ADGRL3: variants seen among roughly 807,000 people sequenced by gnomAD.
ADGRL3 encodes the protein calcium-independent alpha-latrotoxin receptor 3.
In ADGRL3, 62 loss-of-function variants were observed where a neutral mutation model predicts 153.5. That is an observed-to-expected ratio of 0.40 (90% CI 0.33 to 0.50). The LOEUF (loss-of-function observed/expected upper bound fraction) is 0.50, where lower values mean the gene tolerates loss of function less well. ADGRL3 is among the 20% of genes least tolerant of loss of function. The pLI, the probability that ADGRL3 is intolerant of heterozygous loss-of-function variation, is 0.47. For synonymous variants in ADGRL3, 710 were observed against 672.5 expected (o/e 1.06, Z -0.86); for missense variants, 1,641 against 1,859.4 (o/e 0.88, Z 2.16).
At chr4:61,617,286 A>G (rs1421418265) in intron 5 of ADGRL3, among the ~76,000 whole-genome samples, 2 of 152,152 alleles carry the variant, frequency 1.3e-5, no homozygotes, top group Non-Finnish European at 2.9e-5. Flanking sequence ...ATTCCAATGT[A>G]TGTTATTCAA....
intron 1 of ADGRL3, among the ~76,000 whole-genome samples, chr4:61,310,188 A>G (rs2094944067): frequency 6.6e-6 from 1 of 151,852 alleles, no homozygotes. Flanking sequence ...CTCTTATAAA[A>G]ATAGGGACTT....
intron 1 of ADGRL3, among the ~76,000 whole-genome samples, chr4:61,271,798 T>C (rs1042863403): frequency 1.2e-4 from 19 of 152,012 alleles, no homozygotes; most frequent in African/African-American, 4.6e-4. Context: ...ATCTCTAGGC[T>C]TCTCTTAGAG....
intron 8 of ADGRL3, among the ~76,000 whole-genome samples, chr4:61,772,328 C>T (rs1580750301): frequency 6.6e-6 from 1 of 152,260 alleles, no homozygotes; most frequent in South Asian, 2.1e-4. Flanking sequence ...TCAGTGGCAG[C>T]CCCAGAGTTG....
chr4:61,997,763 T>C (rs1401507024), intron 20 of ADGRL3, among the ~76,000 whole-genome samples: 4 of 152,214 alleles, frequency 2.6e-5, no homozygotes, highest in Non-Finnish European at 5.9e-5. Flanking sequence ...ATTTTAGTAT[T>C]TGTATTTTTG....
chr4:61,893,247 T>G (rs1320007431), intron 10 of ADGRL3, among the ~76,000 whole-genome samples: 1 of 152,140 alleles, frequency 6.6e-6, no homozygotes, highest in Non-Finnish European at 1.5e-5. Context: ...CTATCTATTT[T>G]CCAGAGTTTG....
chr4:61,854,645 A>C (rs973399400), intron 9 of ADGRL3, among the ~76,000 whole-genome samples: 2 of 152,228 alleles, frequency 1.3e-5, no homozygotes, highest in African/African-American at 4.8e-5. Context: ...CTTCTTCCTT[A>C]ATGAGATGGA....
In ADGRL3 at chr4:61,502,575, G is replaced by A. The variant is rs144953144; in HGVS notation, c.55+5227G>A. ...TACTGGTTAGCCTGCATTTTATCAT[G>A]TGCAACAAATTACTTATAATAAACA... On this transcript the variant is annotated intron_variant, in intron 3 of 26. Transcript: ENST00000683033. Among the ~76,000 whole-genome samples the A allele has an allele frequency of 1.9e-3, 292 of 150,314 alleles. 2 individuals carry two copies. The highest frequency in any genetic ancestry group is 1.8e-3 in the Non-Finnish European group (124 of 67,672).
At chr4:61,768,661 G>A (rs577603604) in intron 8 of ADGRL3, among the ~76,000 whole-genome samples, 6 of 152,120 alleles carry the variant, frequency 3.9e-5, no homozygotes, top group African/African-American at 1.4e-4. Flanking sequence ...AAGACTCTTA[G>A]ATTTTAGGTC....
At chr4:61,242,915 G>A (rs552288592) in intron 1 of ADGRL3, among the ~76,000 whole-genome samples, 3 of 151,928 alleles carry the variant, frequency 2.0e-5, no homozygotes, top group South Asian at 4.2e-4. Context: ...TATGCAAGGC[G>A]CTTTTTAGCG....
intron 9 of ADGRL3, among the ~76,000 whole-genome samples, chr4:61,874,071 T>C (rs1408543930): frequency 1.3e-5 from 2 of 152,178 alleles, no homozygotes; most frequent in Admixed American, 6.5e-5. Context: ...TAAATAACAA[T>C]GCTACGGCAA....
At chr4:61,851,687 T>A (rs1257091415) in intron 9 of ADGRL3, among the ~76,000 whole-genome samples, 1 of 151,816 alleles carries the variant, frequency 6.6e-6, no homozygotes, top group Non-Finnish European at 1.5e-5. Flanking sequence ...CTTTAGAAGA[T>A]CATTTGTTAA....
In ADGRL3 at chr4:61,811,767, A is replaced by T. The variant is rs373343192; in HGVS notation, c.1400-2042A>T. ...TCTACCCTGCCATTTCTCTATTGCCACTATTCTTTGGTATTAAAATGCACA... is the reference window on the plus strand; with the variant it reads ...TCTACCCTGCCATTTCTCTATTGCCTCTATTCTTTGGTATTAAAATGCACA... On this transcript the variant is annotated intron_variant, in intron 8 of 26. Coordinates refer to ENST00000683033, the MANE Select transcript of ADGRL3 (RefSeq NM_001387552.1). Among the ~76,000 whole-genome samples the T allele has an allele frequency of 4.6e-5, 7 of 152,200 alleles. No homozygotes were observed. In the East Asian group the frequency reaches 7.7e-4, roughly 17 times the overall value.
At chr4:62,039,773 A>C (rs977065009) in intron 24 of ADGRL3, among the ~76,000 whole-genome samples, 4 of 152,090 alleles carry the variant, frequency 2.6e-5, no homozygotes, top group Admixed American at 2.6e-4. Context: ...TTTTGTAATA[A>C]CTTTTTCCAC....
chr4:61,804,992 G>T (rs1300817148), intron 8 of ADGRL3, among the ~76,000 whole-genome samples: 1 of 145,298 alleles, frequency 6.9e-6, no homozygotes, highest in Admixed American at 7.0e-5. Flanking sequence ...GTCTCATTCT[G>T]TCGCCCAGGC....
intron 21 of ADGRL3, among the ~76,000 whole-genome samples, chr4:62,026,671 G>A (rs888566724): frequency 1.3e-5 from 2 of 152,050 alleles, no homozygotes; most frequent in South Asian, 2.1e-4. Context: ...ATGGGGAGAT[G>A]TAGGTCAGAG....
At chr4:61,936,442 T>C (rs1175203098) in intron 15 of ADGRL3, among the ~76,000 whole-genome samples, 1 of 152,254 alleles carries the variant, frequency 6.6e-6, no homozygotes, top group South Asian at 2.1e-4. Context: ...GTTATTCAGC[T>C]TCTTTTTGAG....
intron 8 of ADGRL3, among the ~76,000 whole-genome samples, chr4:61,811,960 A>G (rs535820476): frequency 6.6e-6 from 1 of 152,230 alleles, no homozygotes; most frequent in Non-Finnish European, 1.5e-5. Context: ...AAAGTAAATG[A>G]TATATTTGTA....
intron 4 of ADGRL3, among the ~76,000 whole-genome samples, chr4:61,569,688 G>T (rs997445637): frequency 6.6e-6 from 1 of 152,118 alleles, no homozygotes; most frequent in Non-Finnish European, 1.5e-5. Context: ...GTAGTATTTT[G>T]TGTCTGGCTT....
intron 5 of ADGRL3, among the ~76,000 whole-genome samples, chr4:61,590,286 G>A (rs1315013511): frequency 6.6e-6 from 1 of 151,928 alleles, no homozygotes; most frequent in African/African-American, 2.4e-5. Flanking sequence ...AAATAAATAT[G>A]CTAATTTTGT....
Sources: allele counts gnomAD v4.1 joint callset (sites outside exome capture counted in the v4.1 genomes callset), GRCh38; gene constraint gnomAD v4.1.1; transcripts MANE v1.5; gene names NCBI Gene and HGNC (gene_info 2026-07-23, HGNC 2026-07-21).